UBR1: variants seen among roughly 807,000 people sequenced by gnomAD.
UBR1 encodes the protein ubiquitin protein ligase E3 component n-recognin 1.
A neutral mutation model predicts 242.1 loss-of-function variants in UBR1; 102 were observed. The ratio of observed to expected loss-of-function variants is 0.42; its 90% CI spans 0.36 to 0.50. UBR1 has a LOEUF of 0.50. Ranked by LOEUF, UBR1 falls within the 20% of genes least tolerant of loss-of-function variation. The probability of loss-of-function intolerance (pLI) is 0.01; values close to 1 mark genes in which losing one functional copy is unlikely to be tolerated. For missense variants in UBR1, 1,772 were observed against 2,101.8 expected, an observed-to-expected ratio of 0.84 and a Z score of 3.07; for synonymous variants, 675 against 684.8, an observed-to-expected ratio of 0.99 and a Z score of 0.22.
Position 43,056,214 on chromosome 15 carries a change from A to C in UBR1, c.1281+130T>G, listed in dbSNP as rs1435279348. ...CCTAGTTAACTAGTCCTTGGGTAGC[A>C]CTAAAGTATTCACATAGCCCAACTT... On this transcript the variant is annotated intron_variant, in intron 11 of 46. Transcript: ENST00000290650. 9 of 746,886 alleles carry C rather than the reference A, an allele frequency of 1.2e-5. No homozygotes were observed. In the East Asian group the frequency reaches 2.3e-4, roughly 19 times the overall value. 46.3% of individuals were successfully genotyped at this position (746,886 alleles called of 1,614,324 possible).
intron 37 of UBR1, among the ~76,000 whole-genome samples, 159 bp downstream of exon 37, chr15:42,983,738 G>A (rs939935921): frequency 2.0e-5 from 3 of 149,994 alleles, no homozygotes; most frequent in African/African-American, 7.3e-5. Context: ...GTGTTTATCT[G>A]TTTTTTGCAT....
chr15:42,967,219 G>GT (rs55879443), intron 40 of UBR1, among the ~76,000 whole-genome samples: 27,891 of 113,166 alleles, frequency 0.25, 4,442 homozygotes, highest in African/African-American at 0.42. Context: ...TGCTCAACTA[G>GT]TTTTTTTTTT....
chr15:43,070,125 T>C (rs1256443194), intron 5 of UBR1, among the ~76,000 whole-genome samples: 1 of 151,860 alleles, frequency 6.6e-6, no homozygotes, highest in African/African-American at 2.4e-5. Context: ...GGTAGAAAAA[T>C]TCTCACACAA....
At chr15:43,015,951 G>T in intron 28 of UBR1, 82 bp from the exon 29 acceptor site, 1 of 1,341,160 alleles carries the variant, frequency 7.5e-7, no homozygotes, top group Non-Finnish European at 1.0e-6. Context: ...AAATTCCTTA[G>T]AATAAGATTC....
chr15:42,975,243 T>C (rs2032270326), intron 39 of UBR1, among the ~76,000 whole-genome samples: 1 of 152,216 alleles, frequency 6.6e-6, no homozygotes, highest in Non-Finnish European at 1.5e-5. Context: ...TATAAACACA[T>C]ATATGCATAA....
chr15:42,963,873 T>C, intron 42 of UBR1, 62 bp downstream of exon 42: 2 of 1,310,232 alleles, frequency 1.5e-6, no homozygotes, highest in Non-Finnish European at 1.1e-6. Context: ...TAGCAAGTAA[T>C]TGTAATTTTA....
chr15:43,029,220 T>G, intron 21 of UBR1, among the ~76,000 whole-genome samples: 1 of 152,354 alleles, frequency 6.6e-6, no homozygotes, highest in Non-Finnish European at 1.5e-5. Flanking sequence ...CTAACTCATA[T>G]TCAAATCTCA....
chr15:43,024,737 T>C, intron 25 of UBR1, 92 bp downstream of exon 25: 1 of 1,563,108 alleles, frequency 6.4e-7, no homozygotes, highest in Non-Finnish European at 8.8e-7. Context: ...GTGCTCTAGA[T>C]GTGGTTCCAA....
chr15:43,019,253 CG>C (rs377311175), intron 27 of UBR1, among the ~76,000 whole-genome samples: 152 of 152,030 alleles, frequency 1.0e-3, no homozygotes, highest in African/African-American at 3.6e-3. Context: ...TTAGTAGAGA[CG>C]GGGTTTCACC....
At chr15:43,002,436 G>A in intron 32 of UBR1, 119 bp downstream of exon 32, 2 of 1,173,516 alleles carry the variant, frequency 1.7e-6, no homozygotes, top group Non-Finnish European at 2.5e-6. Flanking sequence ...ACCCAGGCTG[G>A]TCTCGAACCC....
intron 19 of UBR1, among the ~76,000 whole-genome samples, chr15:43,035,270 T>A (rs2033317882): frequency 6.6e-6 from 1 of 152,218 alleles, no homozygotes; most frequent in Non-Finnish European, 1.5e-5. Context: ...GAAGCAGTGT[T>A]TTTCATGTGA....
chr15:42,982,731 G>T (rs1337380462), intron 37 of UBR1, among the ~76,000 whole-genome samples: 1 of 151,680 alleles, frequency 6.6e-6, no homozygotes, highest in Admixed American at 6.6e-5. Context: ...GGTCTATTTT[G>T]CTGGAAAAAA....
At position 43,024,922 on chromosome 15, in the gene UBR1, G is replaced by C. The variant is rs2033159780; in HGVS notation, c.2646C>G (p.Leu882=). Residue 882 remains leucine (L), a synonymous_variant, in exon 25 of 47, where the codon CTC becomes CTG. Coordinates refer to ENST00000290650, the MANE Select transcript of UBR1 (RefSeq NM_174916.3). ...GAATGTACATCATGATATCACAGTT[G>C]AGAAGGTTAATCACTTTGCTGAAAG... is the stretch of plus-strand genomic sequence containing the variant. The part of the protein sequence containing the change: ...CPAFSKVINL[L]NCDIMMYILR... The C allele has an allele frequency of 6.2e-7, 1 of 1,614,066 alleles. No homozygotes were observed. Among genetic ancestry groups the C allele is most frequent in the African/African-American group, 1.3e-5 (1 of 74,936 alleles).
intron 6 of UBR1, among the ~76,000 whole-genome samples, chr15:43,062,065 T>C (rs542181623): frequency 6.6e-6 from 1 of 152,164 alleles, no homozygotes; most frequent in Non-Finnish European, 1.5e-5. Flanking sequence ...GCAGCTGCTA[T>C]AGAAAACAAA....
In UBR1 at chr15:42,956,268, C is replaced by T. The variant is rs1447605043; in HGVS notation, c.4835+1745G>A. ...CATAGAAAATGGTAGCTCCAGAAAT[C>T]AGTCACTCTAATGAAACAACTGTTG... On this transcript the variant is annotated intron_variant, in intron 44 of 46. Transcript: ENST00000290650. Among the ~76,000 whole-genome samples the T allele has an allele frequency of 2.6e-5, 4 of 152,212 alleles. No individual in the cohort carries two copies. The South Asian group carries it at 8.3e-4, about 31-fold the overall frequency.
intron 1 of UBR1, chr15:43,092,123 G>GTTGCAGCTTGAT: frequency 2.5e-6 from 1 of 402,974 alleles, no homozygotes; most frequent in South Asian, 1.8e-5. Context: ...GATTTAGGCA[G>GTTGCAGCTTGAT]AATGTCTGGG....
At chr15:43,016,582 G>GT (rs1215664865) in intron 28 of UBR1, among the ~76,000 whole-genome samples, 1 of 152,032 alleles carries the variant, frequency 6.6e-6, no homozygotes, top group Non-Finnish European at 1.5e-5. Flanking sequence ...TGGTATTTTG[G>GT]TTTTTTGTTT....
chr15:43,060,329 A>G (rs1394837583), intron 6 of UBR1, among the ~76,000 whole-genome samples: 1 of 152,248 alleles, frequency 6.6e-6, no homozygotes. Flanking sequence ...CAGACAGTCT[A>G]TAGTTTAAGA....
intron 45 of UBR1, 58 bp from the exon 46 acceptor site, chr15:42,950,421 C>A (rs912082613): frequency 6.9e-7 from 1 of 1,453,582 alleles, no homozygotes; most frequent in South Asian, 1.1e-5. Context: ...ATGATAGGCA[C>A]TGCATCAATG....
Sources: gnomAD v4.1 joint callset for allele counts (sites outside exome capture counted in the v4.1 genomes callset) on GRCh38, gnomAD v4.1.1 for gene constraint, MANE v1.5 for transcripts, NCBI Gene and HGNC (gene_info 2026-07-23, HGNC 2026-07-21) for gene names.